The following ZNF804A variants were observed in gnomAD, a reference collection of about 807,000 sequenced individuals.
The protein encoded by ZNF804A is zinc finger protein 804A.
A neutral mutation model predicts 16.5 loss-of-function variants in ZNF804A; 2 were observed. The ratio of observed to expected loss-of-function variants is 0.12; its 90% CI spans 0.05 to 0.38. The LOEUF (loss-of-function observed/expected upper bound fraction) is 0.38. ZNF804A is among the 10% of genes least tolerant of loss of function. The probability of loss-of-function intolerance (pLI) is 0.99; values close to 1 mark genes in which losing one functional copy is unlikely to be tolerated. For synonymous variants in ZNF804A, 534 were observed against 489.6 expected, an observed-to-expected ratio of 1.09 and a Z score of -1.20; for missense variants, 1,473 against 1,390.7, an observed-to-expected ratio of 1.06 and a Z score of -0.94.
At chr2:184,803,718 G>A (rs775751945) in intron 1 of ZNF804A, among the ~76,000 whole-genome samples, 1 of 152,104 alleles carries the variant, frequency 6.6e-6, no homozygotes, top group African/African-American at 2.4e-5. Flanking sequence ...TTCAACAAAG[G>A]TCTAGGGAAG....
intron 1 of ZNF804A, among the ~76,000 whole-genome samples, chr2:184,757,270 T>G (rs1693973119): frequency 6.6e-6 from 1 of 152,014 alleles, no homozygotes. Flanking sequence ...GTTTGTTCCA[T>G]GAATCAAAAG....
chr2:184,665,877 C>A (rs778136952), intron 1 of ZNF804A, among the ~76,000 whole-genome samples: 1 of 152,248 alleles, frequency 6.6e-6, no homozygotes, highest in South Asian at 2.1e-4. Context: ...ATTTCATTGA[C>A]GCCTCCTCTA....
chr2:184,910,685 G>C (rs567702722), intron 2 of ZNF804A, among the ~76,000 whole-genome samples: 174 of 152,080 alleles, frequency 1.1e-3, no homozygotes, highest in African/African-American at 4.1e-3. Context: ...GTACGAGATG[G>C]TATATCATTG....
At chr2:184,870,193 T>G (rs1447830410) in intron 2 of ZNF804A, among the ~76,000 whole-genome samples, 1 of 152,010 alleles carries the variant, frequency 6.6e-6, no homozygotes, top group Non-Finnish European at 1.5e-5. Context: ...ATTTTATATT[T>G]TATATTCTCC....
At chr2:184,709,199 C>A (rs1179357119) in intron 1 of ZNF804A, among the ~76,000 whole-genome samples, 2 of 152,076 alleles carry the variant, frequency 1.3e-5, no homozygotes, top group Non-Finnish European at 2.9e-5. Context: ...TCCACTTGGT[C>A]TGGAATTTGA....
Position 184,604,146 on chromosome 2 carries a change from CTTTTTTTTTTTTTTTTTTTTTTT to C in ZNF804A, c.111+5095_111+5117del, listed in dbSNP as rs759053144. On this transcript the variant is annotated intron_variant, in intron 1 of 3. Transcript: ENST00000302277. ...TTCAGGTTATGGATGACTGCAATTA[CTTTTTTTTTTTTTTTTTTTTTTT>C]TTTTTTTTTTTTTTTTTTGAGACGG... Among the ~76,000 whole-genome samples the C allele has an allele frequency of 1.1e-3, 48 of 44,898 alleles. 1 individual carries two copies. The highest frequency in any genetic ancestry group is 7.1e-3 in the South Asian group (5 of 702). The allele number at this position is 44,898 out of a possible 152,430, so 29.5% of individuals were successfully genotyped here.
chr2:184,785,138 T>G (rs1174039193), intron 1 of ZNF804A, among the ~76,000 whole-genome samples: 1 of 151,990 alleles, frequency 6.6e-6, no homozygotes, highest in East Asian at 1.9e-4. Context: ...TCCATCCCAG[T>G]GAAGAAAAAC....
At chr2:184,889,523 A>G (rs1022049867) in intron 2 of ZNF804A, among the ~76,000 whole-genome samples, 1 of 152,012 alleles carries the variant, frequency 6.6e-6, no homozygotes, top group African/African-American at 2.4e-5. Flanking sequence ...CTGCACATGT[A>G]TCCCAGAACT....
chr2:184,835,995 T>G (rs983797220), intron 1 of ZNF804A, among the ~76,000 whole-genome samples: 20 of 152,146 alleles, frequency 1.3e-4, no homozygotes, highest in African/African-American at 4.3e-4. Flanking sequence ...AATAGACTCA[T>G]GCAGGCAGAT....
chr2:184,873,603 G>A (rs902982274), intron 2 of ZNF804A, among the ~76,000 whole-genome samples: 3 of 152,034 alleles, frequency 2.0e-5, no homozygotes, highest in African/African-American at 7.3e-5. Context: ...CCAGAAATTG[G>A]GAAAATATAA....
At chr2:184,665,377 C>T (rs1692240628) in intron 1 of ZNF804A, among the ~76,000 whole-genome samples, 1 of 152,162 alleles carries the variant, frequency 6.6e-6, no homozygotes, top group South Asian at 2.1e-4. Context: ...TCAGGTTCTT[C>T]TGAGAAAAAT....
chr2:184,747,080 A>T (rs1352974511), intron 1 of ZNF804A, among the ~76,000 whole-genome samples: 1 of 151,224 alleles, frequency 6.6e-6, no homozygotes, highest in Non-Finnish European at 1.5e-5. Flanking sequence ...CTGCTCCTTT[A>T]TTAGTTAGCA....
At chr2:184,655,691 T>A (rs181748996) in intron 1 of ZNF804A, among the ~76,000 whole-genome samples, 101 of 152,214 alleles carry the variant, frequency 6.6e-4, no homozygotes, top group African/African-American at 2.4e-3. Flanking sequence ...GGTTTTTTTT[T>A]CGTGGAGTTC....
chr2:184,826,250 T>A (rs1359048504), intron 1 of ZNF804A, among the ~76,000 whole-genome samples: 1 of 152,134 alleles, frequency 6.6e-6, no homozygotes, highest in Non-Finnish European at 1.5e-5. Context: ...TCTATTTGCA[T>A]ATATTTAACA....
chr2:184,669,764 GCA>G (rs774466491), intron 1 of ZNF804A, among the ~76,000 whole-genome samples: 1 of 42,102 alleles, frequency 2.4e-5, no homozygotes, highest in Non-Finnish European at 6.9e-5. Context: ...ACACACACAC[GCA>G]CACACACACA....
intron 1 of ZNF804A, among the ~76,000 whole-genome samples, chr2:184,856,829 A>C (rs138705825): frequency 6.6e-6 from 1 of 152,248 alleles, no homozygotes; most frequent in Non-Finnish European, 1.5e-5. Flanking sequence ...CATTATGTAC[A>C]TGCACATATT....
intron 1 of ZNF804A, among the ~76,000 whole-genome samples, chr2:184,649,732 A>C (rs187609293): frequency 3.7e-4 from 56 of 151,988 alleles, no homozygotes; most frequent in African/African-American, 1.2e-3. Flanking sequence ...GACAGGAAGT[A>C]ATTAAAAGTC....
chr2:184,929,611 G>C (rs1685664484), intron 2 of ZNF804A, among the ~76,000 whole-genome samples: 1 of 152,046 alleles, frequency 6.6e-6, no homozygotes, highest in Non-Finnish European at 1.5e-5. Flanking sequence ...GAACCAGTAG[G>C]AAATAAATTA....
At chr2:184,685,163 C>G (rs934039514) in intron 1 of ZNF804A, among the ~76,000 whole-genome samples, 6 of 152,094 alleles carry the variant, frequency 3.9e-5, no homozygotes, top group Non-Finnish European at 8.8e-5. Flanking sequence ...CAGGCAGCTC[C>G]AGGCTCTGGC....
Sources: allele counts gnomAD v4.1 joint callset (sites outside exome capture counted in the v4.1 genomes callset), GRCh38; gene constraint gnomAD v4.1.1; transcripts MANE v1.5; gene names NCBI Gene and HGNC (gene_info 2026-07-23, HGNC 2026-07-21).